The following DENND1A variants were observed in gnomAD, a reference collection of about 807,000 sequenced individuals.
The protein encoded by DENND1A is DENN domain-containing protein 1A.
Under a neutral mutation model 113.7 loss-of-function variants are expected in DENND1A, and 51 were observed. The observed-to-expected ratio is 0.45, with a 90% CI of 0.36 to 0.57. The LOEUF (loss-of-function observed/expected upper bound fraction) is 0.57, where lower values mean the gene tolerates loss of function less well. Among genes scored for constraint, DENND1A ranks in the 20% least tolerant of loss-of-function variants. The pLI is 0.00. For synonymous variants in DENND1A, 565 were observed against 570.8 expected (o/e 0.99, Z 0.14); for missense variants, 1,258 against 1,395.9 (o/e 0.90, Z 1.57).
intron 2 of DENND1A, among the ~76,000 whole-genome samples, chr9:123,793,879 T>C (rs1208370764): frequency 6.6e-6 from 1 of 152,196 alleles, no homozygotes; most frequent in African/African-American, 2.4e-5. Flanking sequence ...AAATGAGTGG[T>C]GCAAAAAAGT....
At chr9:123,402,831 C>T (rs2043602901) in intron 21 of DENND1A, among the ~76,000 whole-genome samples, 4 of 152,236 alleles carry the variant, frequency 2.6e-5, no homozygotes, top group South Asian at 2.1e-4. Flanking sequence ...ATCTACCCCA[C>T]GCCTCCTGAG....
intron 2 of DENND1A, among the ~76,000 whole-genome samples, chr9:123,862,778 G>T (rs746224163): frequency 5.9e-5 from 9 of 152,268 alleles, no homozygotes; most frequent in Middle Eastern, 6.8e-3. Flanking sequence ...CCACAAATAA[G>T]AGAGTAGTAT....
intron 1 of DENND1A, among the ~76,000 whole-genome samples, chr9:123,885,093 C>G (rs758767845): frequency 9.9e-5 from 15 of 151,942 alleles, no homozygotes; most frequent in Non-Finnish European, 5.9e-5. Flanking sequence ...GGGTTAAGTG[C>G]CCCACCTTTA....
intron 2 of DENND1A, among the ~76,000 whole-genome samples, chr9:123,809,406 T>C (rs1371853898): frequency 1.3e-5 from 2 of 152,224 alleles, no homozygotes; most frequent in African/African-American, 2.4e-5. Flanking sequence ...CTCTCACATA[T>C]AAACTAAAAA....
chr9:123,522,480 C>T (rs1288959317), intron 13 of DENND1A, among the ~76,000 whole-genome samples: 1 of 152,220 alleles, frequency 6.6e-6, no homozygotes, highest in Non-Finnish European at 1.5e-5. Context: ...ATAGCAACAG[C>T]AGCCACACAT....
At chr9:123,863,924 T>G (rs1052814083) in intron 2 of DENND1A, among the ~76,000 whole-genome samples, 7 of 152,012 alleles carry the variant, frequency 4.6e-5, no homozygotes, top group Non-Finnish European at 2.9e-5. Context: ...ATATGAGATT[T>G]TTTTTTTAAA....
rs561929643 is a variant in DENND1A at position 123,489,715 on chromosome 9, G to T, written c.994-31818C>A. 4.4e-4 allele frequency among the ~76,000 whole-genome samples: 67 copies of T among 152,324 alleles called. 1 individual carries two copies. Among genetic ancestry groups the T allele is most frequent in the African/African-American group, 1.3e-3 (55 of 41,572 alleles). On this transcript the variant is annotated intron_variant, in intron 13 of 23. Coordinates refer to ENST00000394215, the MANE Select transcript of DENND1A (RefSeq NM_001352964.2). ...TCAGGTGGCTTGGGAGTGGGGCTTG[G>T]GTTCAGTGGGACGAGGCTACTTTAG... is the stretch of plus-strand genomic sequence containing the variant.
intron 6 of DENND1A, among the ~76,000 whole-genome samples, chr9:123,672,177 G>GA (rs1209887105): frequency 2.0e-5 from 3 of 152,202 alleles, no homozygotes; most frequent in Non-Finnish European, 4.4e-5. Context: ...GCTAAAGGGT[G>GA]AAATGCAAGC....
intron 21 of DENND1A, among the ~76,000 whole-genome samples, chr9:123,391,858 C>T (rs2042867245): frequency 1.3e-5 from 2 of 151,130 alleles, no homozygotes; most frequent in Non-Finnish European, 2.9e-5. Flanking sequence ...TTTTATTACA[C>T]ACAAAGAGCT....
intron 12 of DENND1A, among the ~76,000 whole-genome samples, chr9:123,579,087 A>G (rs891367963): frequency 6.6e-6 from 1 of 151,992 alleles, no homozygotes; most frequent in African/African-American, 2.4e-5. Flanking sequence ...AAACAAAAAC[A>G]GGGGGGTATC....
chr9:123,838,873 T>C (rs1371995632), intron 2 of DENND1A, among the ~76,000 whole-genome samples: 1 of 152,146 alleles, frequency 6.6e-6, no homozygotes, highest in African/African-American at 2.4e-5. Context: ...ATACAGCAGA[T>C]AACGGAAATA....
At chr9:123,484,697 C>G (rs968586239) in intron 13 of DENND1A, among the ~76,000 whole-genome samples, 4 of 152,212 alleles carry the variant, frequency 2.6e-5, no homozygotes, top group Admixed American at 6.5e-5. Flanking sequence ...TCCCCTGAGC[C>G]TCTGCTCCTG....
chr9:123,564,980 CTTTT>C (rs199613371), intron 12 of DENND1A, among the ~76,000 whole-genome samples: 3 of 75,746 alleles, frequency 4.0e-5, no homozygotes, highest in East Asian at 3.5e-4. Flanking sequence ...TCTGTCCCTT[CTTTT>C]TTTTTTTTTT....
At chr9:123,852,661 C>T (rs1274684377) in intron 2 of DENND1A, among the ~76,000 whole-genome samples, 1 of 152,200 alleles carries the variant, frequency 6.6e-6, no homozygotes, top group Non-Finnish European at 1.5e-5. Flanking sequence ...CGACGGGCCT[C>T]AGTTAAACAT....
intron 12 of DENND1A, among the ~76,000 whole-genome samples, chr9:123,577,663 CTTCTT>C (rs1161282690): frequency 6.6e-6 from 1 of 150,776 alleles, no homozygotes; most frequent in Non-Finnish European, 1.5e-5. Flanking sequence ...CTTTTAAAGA[CTTCTT>C]TAAAAAGAAA....
intron 19 of DENND1A, among the ~76,000 whole-genome samples, chr9:123,418,023 T>C (rs1248155400): frequency 6.6e-6 from 1 of 152,066 alleles, no homozygotes; most frequent in Non-Finnish European, 1.5e-5. Context: ...AAGAGGGCCT[T>C]GAATGTCAGG....
At chr9:123,746,149 T>C (rs772898124) in intron 5 of DENND1A, among the ~76,000 whole-genome samples, 38 of 152,346 alleles carry the variant, frequency 2.5e-4, no homozygotes, top group Non-Finnish European at 2.2e-4. Context: ...TTGACGCCCT[T>C]TTCTGTTTGC....
At chr9:123,919,774 G>C (rs538644360) in intron 1 of DENND1A, among the ~76,000 whole-genome samples, 1 of 151,536 alleles carries the variant, frequency 6.6e-6, no homozygotes, top group Non-Finnish European at 1.5e-5. Context: ...CCCAGCTACT[G>C]GGGTGGCTGA....
At chr9:123,412,270 G>A (rs569179333) in intron 19 of DENND1A, among the ~76,000 whole-genome samples, 1 of 152,320 alleles carries the variant, frequency 6.6e-6, no homozygotes, top group East Asian at 1.9e-4. Context: ...TGCCTGCCCT[G>A]GGCAGATCCT....
Sources: allele counts gnomAD v4.1 joint callset (sites outside exome capture counted in the v4.1 genomes callset), GRCh38; gene constraint gnomAD v4.1.1; transcripts MANE v1.5; gene names NCBI Gene and HGNC (gene_info 2026-07-23, HGNC 2026-07-21).